SALL1: variants seen among roughly 807,000 people sequenced by gnomAD.
SALL1 encodes spalt like transcription factor 1.
A neutral mutation model predicts 73.1 loss-of-function variants in SALL1; 10 were observed. That is an observed-to-expected ratio of 0.14 (90% CI 0.08 to 0.23). The LOEUF is 0.23. SALL1 is among the 10% of genes least tolerant of loss of function. The pLI is 1.00. For missense variants in SALL1, 1,520 were observed against 1,697.3 expected, an observed-to-expected ratio of 0.90 and a Z score of 1.84; for synonymous variants, 688 against 689.8, an observed-to-expected ratio of 1.00 and a Z score of 0.04.
chr16:51,143,707 C>G (rs978690972), intron 1 of SALL1, among the ~76,000 whole-genome samples: 1 of 152,172 alleles, frequency 6.6e-6, no homozygotes, highest in African/African-American at 2.4e-5. Flanking sequence ...ATACTAACTT[C>G]TGGAAATTCC....
At chr16:51,150,471 C>G in intron 1 of SALL1, 2 of 985,594 alleles carry the variant, frequency 2.0e-6, no homozygotes, top group Non-Finnish European at 1.2e-6. Context: ...CTTTCCCCGT[C>G]CGTTTGCACC....
Position 51,140,278 on chromosome 16 carries a change from G to T in SALL1, c.1944C>A (p.Asp648Glu). ...SSSVLSSPAA[D>E]CGPAGSATTF... is the part of the protein sequence containing the mutation. ...TGGTGGCACTGCCCGCGGGGCCGCA[G>T]TCTGCCGCTGGGGAGCTCAGGACGC... The change falls in exon 2 of 3, where the codon GAC becomes GAA. Residue 648 changes from aspartate (D) to glutamate (E), a missense_variant. This residue lies in a region of SALL1 where 276 missense variants were observed against 259.1 expected (regional missense o/e 1.07). Coordinates refer to ENST00000251020, the MANE Select transcript of SALL1 (RefSeq NM_002968.3). The surrounding 1 kb of genome is among the most constrained non-coding windows in gnomAD (Gnocchi z 5.7). The T allele has an allele frequency of 6.2e-7, 1 of 1,614,166 alleles. No homozygotes were observed. Among genetic ancestry groups the T allele is most frequent in the Non-Finnish European group, 8.5e-7 (1 of 1,180,052 alleles).
chr16:51,151,637 T>G (rs1962610438), upstream of SALL1, among the ~76,000 whole-genome samples: 1 of 150,724 alleles, frequency 6.6e-6, no homozygotes, highest in Non-Finnish European at 1.5e-5. Context: ...CGCCCGGGAC[T>G]CCGCGGCCCG....
chr16:51,144,433 GC>G (rs1962486759), intron 1 of SALL1, among the ~76,000 whole-genome samples: 1 of 152,128 alleles, frequency 6.6e-6, no homozygotes, highest in South Asian at 2.1e-4. Context: ...AAAACATAAA[GC>G]CACTTTAAAA....
chr16:51,150,515 C>T (rs1399761994), intron 1 of SALL1: 1 of 985,868 alleles, frequency 1.0e-6, no homozygotes, highest in Non-Finnish European at 1.2e-6. Flanking sequence ...GCAGCACTCT[C>T]CACCCCGGCC....
At chr16:51,137,620 A>C in intron 2 of SALL1, 68 bp from the exon 3 acceptor site, 8 of 1,222,660 alleles carry the variant, frequency 6.5e-6, no homozygotes, top group Non-Finnish European at 9.4e-6. Flanking sequence ...GGGGGAGAGA[A>C]GCTTAATAGC....
Position 51,139,020 on chromosome 16 carries a change from C to T in SALL1, c.3202G>A (p.Gly1068Ser), listed in dbSNP as rs1282487341. The change falls in exon 2 of 3, where the codon GGC (glycine) becomes AGC (serine). Residue 1068 changes from glycine (G) to serine (S), a missense_variant. Around this residue, in one of 7 missense-constraint regions of SALL1, gnomAD observed 318 missense variants for 357.1 expected, o/e 0.89. Transcript: ENST00000251020. Reference sequence around the variant, plus strand: ...ATCACCGCTGAGTTCTGATTGGGGCCAAGGTTGGAACTGGGCTCAAAGAGC... The same window carrying T: ...ATCACCGCTGAGTTCTGATTGGGGCTAAGGTTGGAACTGGGCTCAAAGAGC... ...SQLFEPSSNL[G>S]PNQNSAVIPA... 10 of 1,614,164 alleles carry T rather than the reference C, an allele frequency of 6.2e-6. No individual in the cohort carries two copies. In the South Asian group the frequency reaches 8.8e-5, roughly 14 times the overall value.
chr16:51,146,313 A>G (rs1466647265), intron 1 of SALL1, among the ~76,000 whole-genome samples: 1 of 152,178 alleles, frequency 6.6e-6, no homozygotes, highest in Non-Finnish European at 1.5e-5. Flanking sequence ...TAATGTACAC[A>G]ATAAATGAAA....
intron 1 of SALL1, among the ~76,000 whole-genome samples, chr16:51,144,123 C>G (rs536049844): frequency 2.0e-5 from 3 of 152,094 alleles, no homozygotes; most frequent in Non-Finnish European, 4.4e-5. Flanking sequence ...GACAAAAATT[C>G]TCTTTAAAGC....
In SALL1 at chr16:51,137,033, G is replaced by A; in HGVS notation, c.*79C>T. On this transcript the variant is annotated 3_prime_UTR_variant, in exon 3 of 3. Coordinates refer to ENST00000251020, the MANE Select transcript of SALL1 (RefSeq NM_002968.3). ...GAACAGAAGGAAGGGGCGGGGCGGG[G>A]TGGGGGGCAAGGAGTAGGAGGCCAC... 1 of 1,304,594 alleles carries A rather than the reference G, an allele frequency of 7.7e-7. No individual in the cohort carries two copies. Among genetic ancestry groups the A allele is most frequent in the Non-Finnish European group, 1.1e-6 (1 of 917,234 alleles). The allele number at this position is 1,304,594 out of a possible 1,614,324, so 80.8% of individuals were successfully genotyped here.
chr16:51,137,319 C>G lies in SALL1; in HGVS notation c.3768G>C (p.Gln1256His). 1 of 1,614,122 alleles carries G rather than the reference C, an allele frequency of 6.2e-7. No homozygotes were observed. Among genetic ancestry groups the G allele is most frequent in the Non-Finnish European group, 8.5e-7 (1 of 1,180,016 alleles). Residue 1256 changes from glutamine (Q) to histidine (H), a missense_variant, in exon 3 of 3, where the codon CAG becomes CAC. By Grantham distance (24) the Gln-to-His change is conservative. This residue lies in a region of SALL1 where 318 missense variants were observed against 357.1 expected (regional missense o/e 0.89). Coordinates refer to ENST00000251020, the MANE Select transcript of SALL1 (RefSeq NM_002968.3). ...AMKANEISVI[Q>H]NGGIPPIPGS... ...CAGGAATTGGAGGGATGCCACCGTT[C>G]TGAATGACGGAGATCTCGTTGGCCT...
Position 51,142,131 on chromosome 16 carries a change from C to T in SALL1, c.91G>A (p.Gly31Ser). 6.2e-7 allele frequency: 1 copy of T among 1,613,032 alleles called. No homozygotes were observed. Reference sequence around the variant, plus strand: ...CTCTTAGTAGGGCGACTCGGTTGACCCTTTTCTGTGTCTCCTACAAATGTC... The same window carrying T: ...CTCTTAGTAGGGCGACTCGGTTGACTCTTTTCTGTGTCTCCTACAAATGTC... ...LPRRDGDTEK[G>S]QPSRPTKSKD... is the part of the protein sequence containing the mutation. The change falls in exon 2 of 3, where the codon GGT (glycine) becomes AGT (serine). Residue 31 changes from glycine to serine, a missense_variant. This residue lies in a region of SALL1 where 540 missense variants were observed against 567.5 expected (regional missense o/e 0.95). Coordinates refer to ENST00000251020, the MANE Select transcript of SALL1 (RefSeq NM_002968.3).
intron 1 of SALL1, among the ~76,000 whole-genome samples, chr16:51,143,676 G>A (rs1962476568): frequency 6.6e-6 from 1 of 152,144 alleles, no homozygotes; most frequent in South Asian, 2.1e-4. Context: ...TTGCATTCCA[G>A]AAAATAAAAT....
intron 1 of SALL1, among the ~76,000 whole-genome samples, chr16:51,148,815 G>T (rs1962554302): frequency 6.6e-6 from 1 of 151,912 alleles, no homozygotes; most frequent in Non-Finnish European, 1.5e-5. Context: ...CTACCCTCTA[G>T]GCAACTTCTC....
In SALL1 at chr16:51,136,538, A is replaced by C. The variant is rs1475145326; in HGVS notation, c.*574T>G. The C allele has an allele frequency of 6.5e-6, 1 of 152,996 alleles. No homozygotes were observed. The highest frequency in any genetic ancestry group is 6.5e-5 in the Admixed American group (1 of 15,352). 9.5% of individuals were successfully genotyped at this position (152,996 alleles called of 1,614,324 possible). A position where few individuals can be genotyped will look rare whatever the true frequency, so the allele number is the denominator to read the frequency against. On this transcript the variant is annotated 3_prime_UTR_variant, in exon 3 of 3. Transcript: ENST00000251020. ...GTTAAATCGACAAAAAAAAAGGTTG[A>C]ATTTTAGAATAAAAATTAAAAAACC...
chr16:51,151,009 A>G (rs1267995155), intron 1 of SALL1, 157 bp downstream of exon 1: 2 of 453,898 alleles, frequency 4.4e-6, no homozygotes, highest in Non-Finnish European at 7.7e-6. Context: ...ATTGAAAATT[A>G]AAAAGAAAAA....
In SALL1 at chr16:51,138,954, T is replaced by C; in HGVS notation, c.3268A>G (p.Asn1090Asp). The C allele has an allele frequency of 6.2e-7, 1 of 1,614,178 alleles. No individual in the cohort carries two copies. The highest frequency in any genetic ancestry group is 8.5e-7 in the Non-Finnish European group (1 of 1,180,036). Residue 1090 changes from asparagine to aspartate, a missense_variant, in exon 2 of 3, where the codon AAC (asparagine) becomes GAC (aspartate). Physicochemically the swap from Asn to Asp is conservative, Grantham distance 23. Around this residue, in one of 7 missense-constraint regions of SALL1, gnomAD observed 318 missense variants for 357.1 expected, o/e 0.89. Transcript: ENST00000251020. ...SLSSLIKTEV[N>D]GFVHVSPQDS... ...TGAGGAGAAACATGCACGAAGCCGT[T>C]GACCTCTGTCTTGATGAGAGATGAC...
intron 1 of SALL1, among the ~76,000 whole-genome samples, chr16:51,144,798 G>C (rs1962491838): frequency 6.6e-6 from 1 of 152,070 alleles, no homozygotes; most frequent in Non-Finnish European, 1.5e-5. Context: ...TGTGCTAACT[G>C]GATGGAAAAT....
chr16:51,150,203 T>A (rs1228952634), intron 1 of SALL1, among the ~76,000 whole-genome samples: 1 of 152,188 alleles, frequency 6.6e-6, no homozygotes, highest in Non-Finnish European at 1.5e-5. Context: ...GTTCTGGACT[T>A]GTTCAGCCCC....
Sources: gnomAD v4.1 joint callset for allele counts (sites outside exome capture counted in the v4.1 genomes callset) on GRCh38, gnomAD v4.1.1 for gene constraint, gnomAD v4.1.1 regional missense constraint, Gnocchi (gnomAD v3.1) non-coding constraint, MANE v1.5 for transcripts, NCBI Gene and HGNC (gene_info 2026-07-23, HGNC 2026-07-21) for gene names.